Variants in OPCML observed in about 807,000 individuals in gnomAD.
OPCML encodes opioid-binding protein/cell adhesion molecule.
A neutral mutation model predicts 37.8 loss-of-function variants in OPCML; 13 were observed. The observed-to-expected ratio is 0.34, with a 90% confidence interval of 0.22 to 0.55. The LOEUF (loss-of-function observed/expected upper bound fraction) is 0.55, where lower values mean the gene tolerates loss of function less well. Ranked by LOEUF, OPCML falls within the 20% of genes least tolerant of loss-of-function variation. OPCML has a pLI of 0.91. For synonymous variants in OPCML, 176 were observed against 168.8 expected, an observed-to-expected ratio of 1.04 and a Z score of -0.33; for missense variants, 341 against 435.6, an observed-to-expected ratio of 0.78 and a Z score of 1.93.
At chr11:133,471,494 T>G (rs1006615043) in intron 1 of OPCML, among the ~76,000 whole-genome samples, 12 of 152,176 alleles carry the variant, frequency 7.9e-5, no homozygotes, top group Non-Finnish European at 2.9e-5. Flanking sequence ...GGAAGGATAC[T>G]GAGAACTAAT....
chr11:132,587,935 C>G (rs566198278), intron 3 of OPCML, among the ~76,000 whole-genome samples: 1 of 152,110 alleles, frequency 6.6e-6, no homozygotes, highest in African/African-American at 2.4e-5. Context: ...GAAACCTGCT[C>G]TTCCTGTTCT....
Position 132,457,639 on chromosome 11 carries a change from T to C in OPCML, c.506-20280A>G, listed in dbSNP as rs2096087043. On this transcript the variant is annotated intron_variant, in intron 4 of 7. Transcript: ENST00000524381. The stretch of plus-strand genomic sequence containing the variant: ...AAGACCTCCATCCACTAAAAAGTGC[T>C]GAGTGATCACTATGTGCCAACCACT... 2.6e-5 allele frequency among the ~76,000 whole-genome samples: 4 copies of C among 152,214 alleles called. No individual in the cohort carries two copies. The South Asian group carries it at 8.3e-4, about 32-fold the overall frequency.
chr11:133,469,054 T>C (rs1947041454), intron 1 of OPCML, among the ~76,000 whole-genome samples: 2 of 152,202 alleles, frequency 1.3e-5, no homozygotes, highest in Non-Finnish European at 2.9e-5. Flanking sequence ...TGGCTTAGGC[T>C]GCACATTCTC....
At chr11:133,207,779 C>T (rs1287532985) in intron 1 of OPCML, among the ~76,000 whole-genome samples, 1 of 152,180 alleles carries the variant, frequency 6.6e-6, no homozygotes, top group Non-Finnish European at 1.5e-5. Flanking sequence ...GCCCAGGCTT[C>T]TAGATACATT....
At chr11:132,511,051 A>C (rs1002835146) in intron 4 of OPCML, among the ~76,000 whole-genome samples, 1 of 152,214 alleles carries the variant, frequency 6.6e-6, no homozygotes, top group Non-Finnish European at 1.5e-5. Context: ...CATAGAGGAC[A>C]TATCATTTAT....
At chr11:132,610,124 A>G (rs756861128) in intron 3 of OPCML, among the ~76,000 whole-genome samples, 1 of 152,236 alleles carries the variant, frequency 6.6e-6, no homozygotes, top group Non-Finnish European at 1.5e-5. Context: ...CAATTACTCT[A>G]TATCCCAGTT....
At chr11:133,190,806 A>G (rs1366427779) in intron 1 of OPCML, among the ~76,000 whole-genome samples, 1 of 152,122 alleles carries the variant, frequency 6.6e-6, no homozygotes, top group African/African-American at 2.4e-5. Context: ...TGTAACATGT[A>G]TTAGTGTTTT....
rs117729556 is a variant in OPCML at position 133,037,258 on chromosome 11, C to A, written c.62-94248G>T. On this transcript the variant is annotated intron_variant, in intron 1 of 7. Transcript: ENST00000524381. ...TGTGAGGATGAGGACTTATATCATT[C>A]TGGGAAGTAATCTCAATACGTAAGA... 1.7e-3 allele frequency among the ~76,000 whole-genome samples: 256 copies of A among 152,246 alleles called. 6 individuals carry two copies. In the East Asian group the frequency reaches 0.039, roughly 23 times the overall value.
chr11:132,975,746 A>G (rs1946449259), intron 1 of OPCML, among the ~76,000 whole-genome samples: 1 of 152,040 alleles, frequency 6.6e-6, no homozygotes, highest in African/African-American at 2.4e-5. Context: ...CATAGTAGGC[A>G]TATCTTCTAG....
chr11:133,293,877 G>GA (rs201726110), intron 1 of OPCML, among the ~76,000 whole-genome samples: 7,435 of 90,336 alleles, frequency 0.082, 318 homozygotes, highest in Non-Finnish European at 0.11. Context: ...ACATCCTAAA[G>GA]AAAAAAAAAA....
intron 1 of OPCML, chr11:133,422,281 C>G: frequency 1.0e-6 from 1 of 984,618 alleles, no homozygotes. Flanking sequence ...GGACTCACCA[C>G]TAAACACGAA....
intron 1 of OPCML, among the ~76,000 whole-genome samples, chr11:132,960,470 G>C (rs1398128787): frequency 1.3e-5 from 2 of 152,166 alleles, no homozygotes; most frequent in African/African-American, 4.8e-5. Flanking sequence ...GGTCAACAGG[G>C]GAACAGAAAC....
At chr11:133,389,768 T>A (rs1254359793) in intron 1 of OPCML, among the ~76,000 whole-genome samples, 6 of 152,196 alleles carry the variant, frequency 3.9e-5, no homozygotes, top group Non-Finnish European at 7.3e-5. Flanking sequence ...TCAGGCTCCA[T>A]ACATAGATGC....
chr11:132,771,514 T>C (rs1028627420), intron 2 of OPCML: 2 of 152,176 alleles, frequency 1.3e-5, no homozygotes, highest in African/African-American at 4.8e-5. Flanking sequence ...ATTAATCCTA[T>C]TATCCTTGTT....
intron 1 of OPCML, among the ~76,000 whole-genome samples, chr11:133,262,379 G>A (rs1389040257): frequency 2.0e-5 from 3 of 152,176 alleles, no homozygotes; most frequent in Admixed American, 6.5e-5. Flanking sequence ...TGTAATGTGC[G>A]GAGCATGAGG....
rs1161629561 is a variant in OPCML at position 132,719,553 on chromosome 11, C to T, written c.147-62234G>A. Among the ~76,000 whole-genome samples, 3 of 152,264 alleles carry T rather than the reference C, an allele frequency of 2.0e-5. No homozygotes were observed. In the South Asian group the frequency reaches 6.2e-4, roughly 32 times the overall value. ...AGCAGACCAGGATGTCTGTGTGCTG[C>T]GGCCAGGCTGCTGCCAAGGAGAACC... On this transcript the variant is annotated intron_variant, in intron 2 of 7. Transcript: ENST00000524381.
At chr11:132,561,328 T>C (rs751073320) in intron 3 of OPCML, among the ~76,000 whole-genome samples, 20 of 152,222 alleles carry the variant, frequency 1.3e-4, no homozygotes, top group Non-Finnish European at 1.9e-4. Context: ...CACTATTAAG[T>C]TGTGCTTCTT....
chr11:132,939,972 A>G (rs1476691575), intron 2 of OPCML, among the ~76,000 whole-genome samples: 2 of 152,226 alleles, frequency 1.3e-5, no homozygotes, highest in Non-Finnish European at 2.9e-5. Context: ...TCTCTCTTCC[A>G]AGAGGGCAAA....
At chr11:133,490,615 T>C (rs934358634) in intron 1 of OPCML, among the ~76,000 whole-genome samples, 1 of 152,186 alleles carries the variant, frequency 6.6e-6, no homozygotes, top group Non-Finnish European at 1.5e-5. Flanking sequence ...CCAGGAGATA[T>C]AAGTGAGACC....
Sources: allele counts gnomAD v4.1 joint callset (sites outside exome capture counted in the v4.1 genomes callset), GRCh38; gene constraint gnomAD v4.1.1; transcripts MANE v1.5; gene names NCBI Gene and HGNC (gene_info 2026-07-23, HGNC 2026-07-21).